GABRB3: variants seen among roughly 807,000 people sequenced by gnomAD.
GABRB3 encodes gamma-aminobutyric acid receptor subunit beta-3.
Under a neutral mutation model 52.1 loss-of-function variants are expected in GABRB3, and 14 were observed. The observed-to-expected ratio is 0.27, with a 90% CI of 0.18 to 0.42. GABRB3 has a LOEUF of 0.42. Ranked by LOEUF, GABRB3 falls within the 10% of genes least tolerant of loss-of-function variation. GABRB3 has a pLI of 1.00. For synonymous variants in GABRB3, 260 were observed against 232.3 expected, an observed-to-expected ratio of 1.12 and a Z score of -1.08; for missense variants, 307 against 609.1, an observed-to-expected ratio of 0.50 and a Z score of 5.22.
chr15:26,765,525 A>G (rs1328979213), intron 3 of GABRB3, among the ~76,000 whole-genome samples: 1 of 152,230 alleles, frequency 6.6e-6, no homozygotes, highest in Non-Finnish European at 1.5e-5. Flanking sequence ...ACATTAAAGC[A>G]TTTCATTGGA....
intron 3 of GABRB3, among the ~76,000 whole-genome samples, chr15:26,706,345 A>G (rs1422801244): frequency 1.3e-5 from 2 of 152,188 alleles, no homozygotes; most frequent in African/African-American, 4.8e-5. Context: ...GTGTTACAGG[A>G]GCCTAGAAAT....
intron 3 of GABRB3, among the ~76,000 whole-genome samples, chr15:26,769,496 C>T (rs551076782): frequency 9.9e-4 from 150 of 152,186 alleles, no homozygotes; most frequent in African/African-American, 3.5e-3. Flanking sequence ...CATGTGAAGC[C>T]CTTGGCCTCC....
intron 3 of GABRB3, among the ~76,000 whole-genome samples, chr15:26,734,506 G>A (rs1040379592): frequency 1.3e-5 from 2 of 152,140 alleles, no homozygotes; most frequent in African/African-American, 4.8e-5. Context: ...CTGGCTGGGT[G>A]AGGTGGCTCA....
intron 8 of GABRB3, among the ~76,000 whole-genome samples, chr15:26,551,865 T>A (rs1889479403): frequency 6.6e-6 from 1 of 152,200 alleles, no homozygotes. Context: ...CCACCTGTGC[T>A]GGAAGAAGGC....
At chr15:26,558,062 GA>G (rs1351464375) in intron 8 of GABRB3, 1 of 152,190 alleles carries the variant, frequency 6.6e-6, no homozygotes, top group African/African-American at 2.4e-5. Context: ...TGTATGTGTG[GA>G]TACGTGTGCC....
chr15:26,670,997 G>A (rs530117400), intron 3 of GABRB3, among the ~76,000 whole-genome samples: 1 of 152,250 alleles, frequency 6.6e-6, no homozygotes, highest in African/African-American at 2.4e-5. Flanking sequence ...TCCTGCCTCA[G>A]CCTCCCAAGT....
chr15:26,674,178 G>A (rs1331091112), intron 3 of GABRB3, among the ~76,000 whole-genome samples: 31 of 151,140 alleles, frequency 2.1e-4, no homozygotes, highest in Non-Finnish European at 3.5e-4. Context: ...GAGGCGGGCC[G>A]ATCACCCGAG....
chr15:26,561,567 A>C (rs920607316), intron 7 of GABRB3, among the ~76,000 whole-genome samples: 1 of 152,274 alleles, frequency 6.6e-6, no homozygotes, highest in Non-Finnish European at 1.5e-5. Context: ...CATAAAGCAC[A>C]AAGTGTCTAG....
intron 3 of GABRB3, among the ~76,000 whole-genome samples, chr15:26,667,102 A>AT (rs1350830500): frequency 6.6e-6 from 1 of 152,242 alleles, no homozygotes; most frequent in Non-Finnish European, 1.5e-5. Flanking sequence ...TAATACATGA[A>AT]TATCACCTCG....
intron 4 of GABRB3, among the ~76,000 whole-genome samples, chr15:26,603,891 T>C (rs1436236141): frequency 6.6e-6 from 1 of 152,156 alleles, no homozygotes; most frequent in Non-Finnish European, 1.5e-5. Flanking sequence ...CTTTCACCAC[T>C]GGTGTTCAAC....
intron 3 of GABRB3, among the ~76,000 whole-genome samples, chr15:26,676,496 A>C (rs1888073689): frequency 6.6e-6 from 1 of 152,180 alleles, no homozygotes; most frequent in African/African-American, 2.4e-5. Context: ...GTGTGTGTAC[A>C]CACATATACA....
chr15:26,773,141 G>T, upstream of GABRB3: 1 of 465,416 alleles, frequency 2.1e-6, no homozygotes, highest in Non-Finnish European at 2.9e-6. Flanking sequence ...AGGAGGAGCG[G>T]GGAGGGAGGA....
chr15:26,772,803 G>T (rs961562121), intron 1 of GABRB3, 31 bp from the exon 2 acceptor site: 2 of 1,521,226 alleles, frequency 1.3e-6, no homozygotes, highest in Non-Finnish European at 1.8e-6. Context: ...ACAAAGAGCG[G>T]GGTCAGGGGC....
rs1567097853 is a variant in GABRB3, at chr15:26,554,190, A to AAAGAGTATATATAT, written c.1081-6057_1081-6056insATATATATACTCTT. 2.5e-4 allele frequency among the ~76,000 whole-genome samples: 8 copies of AAAGAGTATATATAT among 31,540 alleles called. 1 individual carries two copies. Among genetic ancestry groups the AAAGAGTATATATAT allele is most frequent in the Admixed American group, 6.9e-4 (1 of 1,448 alleles). 20.7% of individuals were successfully genotyped at this position (31,540 alleles called of 152,430 possible). A position where few individuals can be genotyped will look rare whatever the true frequency, so the allele number is the denominator to read the frequency against. ...ATATATATAAAGTATATATATATAT[A>AAAGAGTATATATAT]CTATATATATATATATATAGTAGAA... is the stretch of plus-strand genomic sequence containing the variant. On this transcript the variant is annotated intron_variant, in intron 8 of 8. Transcript: ENST00000311550.
chr15:26,709,563 A>G (rs1226933582), intron 3 of GABRB3, among the ~76,000 whole-genome samples: 3 of 118,856 alleles, frequency 2.5e-5, no homozygotes, highest in South Asian at 2.8e-4. Flanking sequence ...TGTCGCCCAG[A>G]CTGGAGTGCA....
At chr15:26,655,169 T>C (rs1887328846) in intron 3 of GABRB3, among the ~76,000 whole-genome samples, 1 of 152,194 alleles carries the variant, frequency 6.6e-6, no homozygotes, top group South Asian at 2.1e-4. Flanking sequence ...TTTAATATAG[T>C]AGAGATCATG....
intron 4 of GABRB3, among the ~76,000 whole-genome samples, chr15:26,606,805 T>TATCAATAGATATATCGATAG (rs1275882932): frequency 8.5e-6 from 1 of 117,950 alleles, no homozygotes; most frequent in Non-Finnish European, 2.0e-5. Context: ...TAGATATATC[T>TATCAATAGATATATCGATAG]ATAGATAGAT....
At chr15:26,556,970 G>C (rs553401902) in intron 8 of GABRB3, among the ~76,000 whole-genome samples, 26 of 152,268 alleles carry the variant, frequency 1.7e-4, no homozygotes, top group South Asian at 1.0e-3. Flanking sequence ...TGCAATCCCA[G>C]GTGCTATCCC....
intron 3 of GABRB3, among the ~76,000 whole-genome samples, chr15:26,705,014 G>A (rs772306328): frequency 7.2e-5 from 11 of 152,070 alleles, no homozygotes; most frequent in South Asian, 6.2e-4. Flanking sequence ...CCACTTCTAC[G>A]TTTTTTGGTA....
Sources: gnomAD v4.1 joint callset for allele counts (sites outside exome capture counted in the v4.1 genomes callset) on GRCh38, gnomAD v4.1.1 for gene constraint, MANE v1.5 for transcripts, NCBI Gene and HGNC (gene_info 2026-07-23, HGNC 2026-07-21) for gene names.